Variants in KCNMA1 observed in about 807,000 individuals in gnomAD.
KCNMA1 encodes potassium calcium-activated channel subfamily M alpha 1, also known as Calcium-activated potassium channel subunit alpha-1.
In KCNMA1, 29 loss-of-function variants were observed where a neutral mutation model predicts 140.0. That is an observed-to-expected ratio of 0.21 (90% CI 0.15 to 0.28). The LOEUF (loss-of-function observed/expected upper bound fraction) is 0.28. Among genes scored for constraint, KCNMA1 ranks in the 10% least tolerant of loss-of-function variants. The pLI is 1.00. For missense variants in KCNMA1, 880 were observed against 1,602.2 expected (o/e 0.55, Z 7.70); for synonymous variants, 612 against 611.9 (o/e 1.00, Z 0.00).
chr10:77,079,523 C>T lies in KCNMA1; in HGVS notation c.1551G>A (p.Pro517=), dbSNP rs200146500. 7.4e-6 allele frequency: 12 copies of T among 1,611,966 alleles called. No individual in the cohort carries two copies. The highest frequency in any genetic ancestry group is 1.3e-5 in the African/African-American group (1 of 74,812). Reference sequence around the variant, plus strand: ...GCATTTGAGTGATGATTCTTATCTTCGGATGGTAGTTCTTTATGGAGATTA... The same window carrying T: ...GCATTTGAGTGATGATTCTTATCTTTGGATGGTAGTTCTTTATGGAGATTA... The part of the protein sequence containing the change: ...MRVISIKNYH[P]KIRIITQMLQ... Residue 517 remains proline (P), a synonymous_variant, in exon 13 of 28, where the codon CCG becomes CCA. Transcript: ENST00000286628.
chr10:76,989,439 T>C (rs1051967956), intron 19 of KCNMA1, among the ~76,000 whole-genome samples: 2 of 152,082 alleles, frequency 1.3e-5, no homozygotes, highest in Admixed American at 1.3e-4. Flanking sequence ...ACAGTAAGGA[T>C]TGAAGCAAAA....
At chr10:77,061,669 G>A (rs1443176041) in intron 14 of KCNMA1, among the ~76,000 whole-genome samples, 1 of 152,146 alleles carries the variant, frequency 6.6e-6, no homozygotes, top group Non-Finnish European at 1.5e-5. Flanking sequence ...TTACCCTAGA[G>A]AAATTAAAAC....
chr10:77,486,164 G>A (rs2098458046), intron 1 of KCNMA1, among the ~76,000 whole-genome samples: 1 of 152,136 alleles, frequency 6.6e-6, no homozygotes, highest in Admixed American at 6.5e-5. Flanking sequence ...AGGCTGCCGT[G>A]GCCAGGACAG....
At chr10:77,330,615 G>T (rs190713489) in intron 2 of KCNMA1, among the ~76,000 whole-genome samples, 1 of 152,272 alleles carries the variant, frequency 6.6e-6, no homozygotes, top group East Asian at 1.9e-4. Flanking sequence ...AAAGCAGGCG[G>T]TTAGTGATCT....
chr10:77,279,986 C>A (rs902665487), intron 2 of KCNMA1, among the ~76,000 whole-genome samples: 1 of 152,146 alleles, frequency 6.6e-6, no homozygotes, highest in Non-Finnish European at 1.5e-5. Flanking sequence ...AGCAAGAAAA[C>A]AGACTAACAC....
At chr10:77,277,911 A>G (rs1429863340) in intron 2 of KCNMA1, among the ~76,000 whole-genome samples, 1 of 152,226 alleles carries the variant, frequency 6.6e-6, no homozygotes, top group African/African-American at 2.4e-5. Flanking sequence ...GTTCAAAGAA[A>G]AAAGAATGCT....
In KCNMA1 at chr10:77,007,643, T is replaced by TTGTGTG. The variant is rs148322931; in HGVS notation, c.2092+4318_2092+4323dup. On this transcript the variant is annotated intron_variant, in intron 18 of 27. Transcript: ENST00000286628. The stretch of plus-strand genomic sequence containing the variant: ...ATACTCTGATACATCATGGTACATA[T>TTGTGTG]TGTGTGTGTGTATATATATATATAT... Among the ~76,000 whole-genome samples, 712 of 78,256 alleles carry TTGTGTG rather than the reference T, an allele frequency of 9.1e-3. 58 individuals are homozygous for TTGTGTG. The highest frequency in any genetic ancestry group is 0.012 in the Non-Finnish European group (465 of 39,208). The allele number at this position is 78,256 out of a possible 152,430, so 51.3% of individuals were successfully genotyped here. A position where few individuals can be genotyped will look rare whatever the true frequency, so the allele number is the denominator to read the frequency against.
intron 15 of KCNMA1, among the ~76,000 whole-genome samples, chr10:77,033,346 C>A (rs2094083556): frequency 6.6e-6 from 1 of 152,134 alleles, no homozygotes; most frequent in South Asian, 2.1e-4. Flanking sequence ...TGTTAAGACT[C>A]TTTTTCTCTA....
At chr10:77,175,136 C>G (rs766460470) in intron 5 of KCNMA1, among the ~76,000 whole-genome samples, 5 of 152,062 alleles carry the variant, frequency 3.3e-5, no homozygotes, top group Non-Finnish European at 7.4e-5. Flanking sequence ...CTCTAAGAAC[C>G]CTCATGTGTA....
At chr10:77,483,363 A>G (rs1454130792) in intron 1 of KCNMA1, among the ~76,000 whole-genome samples, 1 of 152,334 alleles carries the variant, frequency 6.6e-6, no homozygotes, top group South Asian at 2.1e-4. Flanking sequence ...TTTTCCTGCC[A>G]TCCCTATTCA....
intron 1 of KCNMA1, among the ~76,000 whole-genome samples, chr10:77,564,709 T>A: frequency 6.6e-6 from 1 of 152,278 alleles, no homozygotes; most frequent in South Asian, 2.1e-4. Context: ...TCCTGGCATC[T>A]AGGTGAAAGA....
chr10:77,568,262 C>G (rs2069178350), intron 1 of KCNMA1, among the ~76,000 whole-genome samples: 1 of 152,182 alleles, frequency 6.6e-6, no homozygotes, highest in Non-Finnish European at 1.5e-5. Context: ...GATACCAAAG[C>G]CTGGCAGAGA....
intron 1 of KCNMA1, chr10:77,634,221 C>A: frequency 1.0e-6 from 1 of 985,362 alleles, no homozygotes; most frequent in Non-Finnish European, 1.2e-6. Context: ...ATAGAGAGCT[C>A]TGATGAAATC....
intron 17 of KCNMA1, among the ~76,000 whole-genome samples, chr10:77,014,146 T>G (rs907797533): frequency 1.3e-5 from 2 of 152,166 alleles, no homozygotes; most frequent in Admixed American, 1.3e-4. Context: ...TCTACTGTCT[T>G]GGCTGGGTGT....
At chr10:77,625,466 T>G (rs2092362412) in intron 1 of KCNMA1, among the ~76,000 whole-genome samples, 1 of 152,094 alleles carries the variant, frequency 6.6e-6, no homozygotes, top group South Asian at 2.1e-4. Context: ...GTGCATCCCA[T>G]CTCCAGAACT....
At chr10:77,079,609 A>C (rs2096510221) in intron 12 of KCNMA1, 59 bp from the exon 13 acceptor site, 4 of 1,203,980 alleles carry the variant, frequency 3.3e-6, no homozygotes, top group Non-Finnish European at 5.0e-6. Context: ...GTCTGACAAA[A>C]AGATCAATTT....
chr10:76,946,435 G>A (rs1591568008), intron 22 of KCNMA1, among the ~76,000 whole-genome samples: 1 of 152,182 alleles, frequency 6.6e-6, no homozygotes, highest in Admixed American at 6.5e-5. Context: ...TCCCTTTCTG[G>A]AGAACTGGCT....
At chr10:77,331,097 G>GC (rs1379318138) in intron 2 of KCNMA1, among the ~76,000 whole-genome samples, 1 of 149,494 alleles carries the variant, frequency 6.7e-6, no homozygotes, top group Non-Finnish European at 1.5e-5. Flanking sequence ...CTTTCTCCCT[G>GC]CCCCCCATGT....
chr10:76,951,903 A>C (rs970481416), intron 21 of KCNMA1: 7 of 870,802 alleles, frequency 8.0e-6, no homozygotes, highest in Non-Finnish European at 7.2e-6. Flanking sequence ...CTGCTAGAAC[A>C]CAAGCTCTGT....
Sources: gnomAD v4.1 joint callset for allele counts (sites outside exome capture counted in the v4.1 genomes callset) on GRCh38, gnomAD v4.1.1 for gene constraint, MANE v1.5 for transcripts, NCBI Gene and HGNC (gene_info 2026-07-23, HGNC 2026-07-21) for gene names.